The following PRKG1 variants were observed in gnomAD, a reference collection of about 807,000 sequenced individuals.
PRKG1 encodes cGMP-dependent protein kinase 1.
PRKG1 carries 35 observed loss-of-function variants against 88.1 expected under a neutral mutation model. That is an observed-to-expected ratio of 0.40 (90% CI 0.30 to 0.53). The LOEUF is 0.53. Among genes scored for constraint, PRKG1 ranks in the 20% least tolerant of loss-of-function variants. The pLI is 0.59. For missense variants in PRKG1, 540 were observed against 839.8 expected, an observed-to-expected ratio of 0.64 and a Z score of 4.41; for synonymous variants, 303 against 292.5, an observed-to-expected ratio of 1.04 and a Z score of -0.37.
chr10:51,216,695 T>A (rs1838380636), intron 2 of PRKG1, among the ~76,000 whole-genome samples: 1 of 152,116 alleles, frequency 6.6e-6, no homozygotes, highest in African/African-American at 2.4e-5. Flanking sequence ...TCCACAGAGG[T>A]CTTCATAAAT....
intron 2 of PRKG1, among the ~76,000 whole-genome samples, chr10:51,215,767 C>T (rs1412363942): frequency 6.6e-6 from 1 of 152,146 alleles, no homozygotes; most frequent in East Asian, 1.9e-4. Context: ...GGTAGCCTAC[C>T]ATTCTGGATT....
chr10:51,177,946 A>G (rs892272342), intron 2 of PRKG1, among the ~76,000 whole-genome samples: 1 of 152,086 alleles, frequency 6.6e-6, no homozygotes, highest in Non-Finnish European at 1.5e-5. Context: ...ACTGTGTAAG[A>G]AAAGTAAAAA....
At chr10:51,913,472 A>G (rs4600154) in intron 5 of PRKG1, among the ~76,000 whole-genome samples, 108,232 of 152,114 alleles carry the variant, frequency 0.71, 39,247 homozygotes, top group African/African-American at 0.86. Context: ...TAGTAATTTA[A>G]TGAACCTTTT....
intron 2 of PRKG1, among the ~76,000 whole-genome samples, chr10:51,464,170 C>T (rs977891364): frequency 3.3e-5 from 5 of 151,948 alleles, no homozygotes; most frequent in East Asian, 1.9e-4. Context: ...ATCCCAGCTA[C>T]TTGGGAGGCT....
chr10:51,319,820 ACGCTGTTAGGTGC>A (rs1841409308), intron 2 of PRKG1: 1 of 153,000 alleles, frequency 6.5e-6, no homozygotes, highest in Non-Finnish European at 1.5e-5. Flanking sequence ...TTCCATGCCC[ACGCTGTTAGGTGC>A]TGCTCTTCAC....
intron 3 of PRKG1, among the ~76,000 whole-genome samples, chr10:51,746,760 G>GA (rs546432285): frequency 5.4e-5 from 8 of 147,584 alleles, no homozygotes; most frequent in Admixed American, 2.0e-4. Flanking sequence ...AGAAAAGAAA[G>GA]AAAAAAAAAG....
At chr10:52,030,646 C>T (rs1028518077) in intron 5 of PRKG1, among the ~76,000 whole-genome samples, 2 of 152,066 alleles carry the variant, frequency 1.3e-5, no homozygotes, top group African/African-American at 2.4e-5. Flanking sequence ...CAGAAGTCAG[C>T]GATGGGAAGT....
chr10:51,175,264 CA>C (rs1837159915), intron 2 of PRKG1, among the ~76,000 whole-genome samples: 1 of 151,820 alleles, frequency 6.6e-6, no homozygotes. Context: ...GCTATAAATT[CA>C]AATGTTCTTT....
chr10:51,113,746 A>AAAAAAAC (rs1564605217), intron 1 of PRKG1, among the ~76,000 whole-genome samples: 2 of 143,304 alleles, frequency 1.4e-5, no homozygotes, highest in Non-Finnish European at 3.0e-5. Flanking sequence ...AAAAAAAAAA[A>AAAAAAAC]AAACTAAAAG....
chr10:51,556,151 GT>G (rs1837304315), intron 3 of PRKG1, among the ~76,000 whole-genome samples: 1 of 151,826 alleles, frequency 6.6e-6, no homozygotes, highest in African/African-American at 2.4e-5. Context: ...CAGTAAAGAA[GT>G]TTTTTTCTAA....
At chr10:51,474,274 G>A (rs1840132747) in intron 3 of PRKG1, among the ~76,000 whole-genome samples, 1 of 151,928 alleles carries the variant, frequency 6.6e-6, no homozygotes, top group Non-Finnish European at 1.5e-5. Context: ...ACTATCACAA[G>A]CTTTTAAATT....
intron 2 of PRKG1, among the ~76,000 whole-genome samples, chr10:51,278,773 T>C (rs1840206098): frequency 6.6e-6 from 1 of 152,212 alleles, no homozygotes; most frequent in African/African-American, 2.4e-5. Flanking sequence ...GATGGTAGTT[T>C]GTATTTCTGT....
chr10:52,017,852 T>A (rs1432567945), intron 5 of PRKG1, among the ~76,000 whole-genome samples: 1 of 152,200 alleles, frequency 6.6e-6, no homozygotes, highest in Non-Finnish European at 1.5e-5. Context: ...TTTTCCATAA[T>A]TGCATGAAAT....
chr10:52,146,632 G>A (rs992788077), intron 8 of PRKG1, among the ~76,000 whole-genome samples: 7 of 152,064 alleles, frequency 4.6e-5, no homozygotes, highest in Admixed American at 1.3e-4. Context: ...ACTTTACCAC[G>A]TTGCATTAGC....
At chr10:51,347,066 A>G (rs1842129081) in intron 2 of PRKG1, among the ~76,000 whole-genome samples, 1 of 152,112 alleles carries the variant, frequency 6.6e-6, no homozygotes, top group Non-Finnish European at 1.5e-5. Context: ...TTTCGTGGCC[A>G]CAGATGAATG....
intron 12 of PRKG1, among the ~76,000 whole-genome samples, chr10:52,275,320 AG>A (rs1335575378): frequency 6.6e-6 from 1 of 152,188 alleles, no homozygotes; most frequent in African/African-American, 2.4e-5. Context: ...TTCAGATCTT[AG>A]GTTTAAGTCC....
intron 7 of PRKG1, among the ~76,000 whole-genome samples, chr10:52,108,081 A>T (rs970339089): frequency 2.0e-5 from 3 of 152,338 alleles, no homozygotes; most frequent in Non-Finnish European, 4.4e-5. Flanking sequence ...TATTATCCTA[A>T]TTTCACAAAG....
chr10:51,731,329 T>C (rs1842266989), intron 3 of PRKG1, among the ~76,000 whole-genome samples: 1 of 152,138 alleles, frequency 6.6e-6, no homozygotes, highest in Non-Finnish European at 1.5e-5. Context: ...GTTTAAAAAA[T>C]GATCTGGATT....
At chr10:51,622,879 A>G (rs967237958) in intron 3 of PRKG1, among the ~76,000 whole-genome samples, 2 of 152,190 alleles carry the variant, frequency 1.3e-5, no homozygotes, top group African/African-American at 4.8e-5. Context: ...TGTTTCATTC[A>G]TAGTGCTAAG....
Sources: gnomAD v4.1 joint callset for allele counts (sites outside exome capture counted in the v4.1 genomes callset) on GRCh38, gnomAD v4.1.1 for gene constraint, MANE v1.5 for transcripts, NCBI Gene and HGNC (gene_info 2026-07-23, HGNC 2026-07-21) for gene names.